The following ARAP2 variants were observed in gnomAD, a reference collection of about 807,000 sequenced individuals.
ARAP2 encodes the protein arf-GAP with Rho-GAP domain, ANK repeat and PH domain-containing protein 2.
A neutral mutation model predicts 194.5 loss-of-function variants in ARAP2; 148 were observed. The observed-to-expected ratio is 0.76, with a 90% CI of 0.67 to 0.87. The LOEUF (loss-of-function observed/expected upper bound fraction) is 0.87. ARAP2 is among the 40% of genes least tolerant of loss of function. The probability of loss-of-function intolerance (pLI) is 0.00; values close to 1 mark genes in which losing one functional copy is unlikely to be tolerated. For missense variants in ARAP2, 2,128 were observed against 1,989.7 expected, an observed-to-expected ratio of 1.07 and a Z score of -1.32; for synonymous variants, 695 against 683.5, an observed-to-expected ratio of 1.02 and a Z score of -0.26.
chr4:36,057,892 A>AT (rs1243710825), intron 2 of ARAP2: 1 of 150,598 alleles, frequency 6.6e-6, no homozygotes, highest in Non-Finnish European at 1.5e-5. Flanking sequence ...ATTGTCTTGA[A>AT]TTTTTTTCCT....
intron 5 of ARAP2, among the ~76,000 whole-genome samples, chr4:36,032,557 T>C (rs778196733): frequency 3.9e-5 from 6 of 152,222 alleles, no homozygotes; most frequent in Admixed American, 1.3e-4. Context: ...TCTGAAGAGA[T>C]TAAATAGTAT....
chr4:36,211,738 G>C, intron 5 of ARAP2, among the ~76,000 whole-genome samples: 1 of 152,096 alleles, frequency 6.6e-6, no homozygotes, highest in African/African-American at 2.4e-5. Flanking sequence ...GGAATGCTTT[G>C]GGGGATGAAT....
At chr4:36,242,854 T>A (rs1199354131) in intron 1 of ARAP2, among the ~76,000 whole-genome samples, 1 of 152,202 alleles carries the variant, frequency 6.6e-6, no homozygotes, top group Non-Finnish European at 1.5e-5. Flanking sequence ...TACATTTTAA[T>A]TCAAATAAAT....
At position 36,124,942 on chromosome 4, in the gene ARAP2, A is replaced by C; in HGVS notation, c.3666T>G (p.Ile1222Met). 6.2e-7 allele frequency: 1 copy of C among 1,610,198 alleles called. No homozygotes were observed. The highest frequency in any genetic ancestry group is 8.5e-7 in the Non-Finnish European group (1 of 1,177,648). The change falls in exon 22 of 33, where the codon ATT (isoleucine) becomes ATG (methionine). Residue 1222 changes from isoleucine to methionine, a missense_variant. Coordinates refer to ENST00000303965, the MANE Select transcript of ARAP2 (RefSeq NM_015230.4). ...ALDTQDDKER[I>M]KKYGAFIRSL... ...AACGTATAAATGCTCCATATTTTTT[A>C]ATTCTTTCCTTGTCATCTTGCGTAT...
chr4:36,035,821 T>C (rs1719808849), intron 5 of ARAP2, among the ~76,000 whole-genome samples: 1 of 152,166 alleles, frequency 6.6e-6, no homozygotes, highest in Non-Finnish European at 1.5e-5. Context: ...AGAAGGAATA[T>C]GATGCAAGGT....
intron 1 of ARAP2, among the ~76,000 whole-genome samples, chr4:36,235,555 T>C (rs1360435352): frequency 6.6e-6 from 1 of 152,240 alleles, no homozygotes; most frequent in African/African-American, 2.4e-5. Context: ...ATCCTTGCTT[T>C]ATCTGTCTCC....
chr4:36,177,735 A>C, intron 9 of ARAP2, 92 bp downstream of exon 9: 1 of 1,311,034 alleles, frequency 7.6e-7, no homozygotes, highest in South Asian at 1.7e-5. Flanking sequence ...ACAAGACTCT[A>C]TAAGTAAAAT....
intron 10 of ARAP2, 41 bp downstream of exon 10, chr4:36,166,891 C>T (rs1032576606): frequency 4.6e-6 from 6 of 1,297,770 alleles, no homozygotes; most frequent in Non-Finnish European, 6.5e-6. Flanking sequence ...CCCAAGCTTT[C>T]CTATAGTAGT....
downstream of ARAP2, among the ~76,000 whole-genome samples, chr4:36,064,560 T>C (rs1426117489): frequency 1.3e-5 from 2 of 152,178 alleles, no homozygotes; most frequent in Non-Finnish European, 2.9e-5. Context: ...GATTGAAGGG[T>C]GGCCCTGGTC....
At chr4:36,140,743 C>T (rs1320438065) in intron 19 of ARAP2, among the ~76,000 whole-genome samples, 1 of 151,588 alleles carries the variant, frequency 6.6e-6, no homozygotes, top group Non-Finnish European at 1.5e-5. Context: ...GTAATCTGTT[C>T]CATAATTGTG....
At chr4:36,102,248 C>T (rs1369861465) in intron 27 of ARAP2, among the ~76,000 whole-genome samples, 1 of 151,944 alleles carries the variant, frequency 6.6e-6, no homozygotes, top group Non-Finnish European at 1.5e-5. Context: ...TGGCTCCATC[C>T]ATCACTCCCA....
chr4:36,039,835 G>T (rs996873094), intron 5 of ARAP2, among the ~76,000 whole-genome samples: 1 of 152,112 alleles, frequency 6.6e-6, no homozygotes, highest in African/African-American at 2.4e-5. Context: ...GGATGGAAGA[G>T]CTCTGAGGAC....
Position 36,147,334 on chromosome 4 carries a change from C to T in ARAP2, c.3225G>A (p.Gly1075=), listed in dbSNP as rs1313205933. ...ELTISTMVQN[G]EKLDVLLLVE... ...CCAAGAGTAAAACATCCAGTTTTTC[C>T]CCATTTTGAACCATTGTGCTGATTG... The change falls in exon 19 of 33, where the codon GGG becomes GGA. Residue 1075 remains glycine, a synonymous_variant. Coordinates refer to ENST00000303965, the MANE Select transcript of ARAP2 (RefSeq NM_015230.4). 18 of 1,612,710 alleles carry T rather than the reference C, an allele frequency of 1.1e-5. No homozygotes were observed. The Admixed American group carries it at 2.7e-4, about 24-fold the overall frequency.
intron 1 of ARAP2, among the ~76,000 whole-genome samples, chr4:36,238,086 A>G (rs774135618): frequency 6.6e-6 from 1 of 152,186 alleles, no homozygotes; most frequent in Non-Finnish European, 1.5e-5. Context: ...TCCGCCATCC[A>G]TTCACTTACC....
chr4:36,214,397 G>T, intron 3 of ARAP2, 25 bp downstream of exon 3: 1 of 1,570,206 alleles, frequency 6.4e-7, no homozygotes, highest in Non-Finnish European at 8.7e-7. Context: ...TCTAATTTAA[G>T]GAGACATTAA....
rs7692127 is a variant in ARAP2, at chr4:36,126,508, C to T, written c.3641-1541G>A. Among the ~76,000 whole-genome samples, 5 of 152,082 alleles carry T rather than the reference C, an allele frequency of 3.3e-5. No individual in the cohort carries two copies. In the East Asian group the frequency reaches 5.8e-4, roughly 18 times the overall value. On this transcript the variant is annotated intron_variant, in intron 21 of 32. Coordinates refer to ENST00000303965, the MANE Select transcript of ARAP2 (RefSeq NM_015230.4). ...ATGTCATATAAATATAGGTGGTACACGGCTATAAGGCATTCTCTACCTCAG... is the reference window on the plus strand; with the variant it reads ...ATGTCATATAAATATAGGTGGTACATGGCTATAAGGCATTCTCTACCTCAG...
At chr4:36,095,437 A>T (rs1714894252) in intron 27 of ARAP2, among the ~76,000 whole-genome samples, 4 of 152,178 alleles carry the variant, frequency 2.6e-5, no homozygotes, top group Admixed American at 2.6e-4. Flanking sequence ...CTGCCCAAAG[A>T]CATAAAAATT....
chr4:36,157,389 A>G (rs1732815250), intron 15 of ARAP2: 1 of 152,220 alleles, frequency 6.6e-6, no homozygotes, highest in Non-Finnish European at 1.5e-5. Context: ...GACAAAAAAA[A>G]AAAAACTCAG....
At chr4:36,078,528 T>C (rs191344501) in intron 31 of ARAP2, among the ~76,000 whole-genome samples, 10 of 152,290 alleles carry the variant, frequency 6.6e-5, no homozygotes, top group African/African-American at 2.4e-4. Context: ...GCTGTTTCCC[T>C]ACAGAGATGA....
Sources: allele counts gnomAD v4.1 joint callset (sites outside exome capture counted in the v4.1 genomes callset), GRCh38; gene constraint gnomAD v4.1.1; transcripts MANE v1.5; gene names NCBI Gene and HGNC (gene_info 2026-07-23, HGNC 2026-07-21).